The following IPCEF1 variants were observed in gnomAD, a reference collection of about 807,000 sequenced individuals.
The protein encoded by IPCEF1 is interactor protein for cytohesin exchange factors 1.
Under a neutral mutation model 50.9 loss-of-function variants are expected in IPCEF1, and 31 were observed. The observed-to-expected ratio is 0.61, with a 90% CI of 0.46 to 0.82. The LOEUF (loss-of-function observed/expected upper bound fraction) is 0.82, where lower values mean the gene tolerates loss of function less well. Ranked by LOEUF, IPCEF1 falls within the 40% of genes least tolerant of loss-of-function variation. The pLI is 0.00. For synonymous variants in IPCEF1, 181 were observed against 192.0 expected (o/e 0.94, Z 0.47); for missense variants, 458 against 514.0 (o/e 0.89, Z 1.05).
intron 11 of IPCEF1, among the ~76,000 whole-genome samples, chr6:154,165,400 T>G (rs1179191052): frequency 2.0e-5 from 3 of 152,312 alleles, no homozygotes; most frequent in Admixed American, 6.5e-5. Flanking sequence ...CATGCACACA[T>G]GTACCAAGTT....
chr6:154,299,801 G>T (rs539662800), intron 1 of IPCEF1, among the ~76,000 whole-genome samples: 1 of 139,050 alleles, frequency 7.2e-6, no homozygotes, highest in African/African-American at 2.6e-5. Flanking sequence ...ATGGATAGAG[G>T]GATGGATAAA....
intron 2 of IPCEF1, among the ~76,000 whole-genome samples, chr6:154,273,501 A>G (rs934857776): frequency 3.3e-5 from 5 of 152,122 alleles, no homozygotes; most frequent in African/African-American, 1.2e-4. Context: ...AGGACATGAG[A>G]TAATCCATTC....
At chr6:154,282,510 A>G (rs147472389) in intron 2 of IPCEF1, among the ~76,000 whole-genome samples, 5,470 of 152,022 alleles carry the variant, frequency 0.036, 249 homozygotes, top group African/African-American at 0.1. Flanking sequence ...GTGAAACCCT[A>G]TCTCTACTAA....
At chr6:154,323,648 A>G (rs762927086) in intron 1 of IPCEF1, among the ~76,000 whole-genome samples, 1 of 152,176 alleles carries the variant, frequency 6.6e-6, no homozygotes, top group Non-Finnish European at 1.5e-5. Context: ...ATGATGTCTG[A>G]TTCCTTCAAA....
chr6:154,263,418 G>A, intron 3 of IPCEF1, among the ~76,000 whole-genome samples: 2 of 136,200 alleles, frequency 1.5e-5, no homozygotes. Context: ...GTGTCCCTGG[G>A]TACTTGAGAT....
chr6:154,294,468 G>A (rs1319766029), intron 1 of IPCEF1, among the ~76,000 whole-genome samples: 1 of 152,070 alleles, frequency 6.6e-6, no homozygotes, highest in Non-Finnish European at 1.5e-5. Context: ...CAAGGCTGGA[G>A]GATTGTTTGA....
At chr6:154,217,468 G>C (rs1327773876) in intron 7 of IPCEF1, 1 of 150,014 alleles carries the variant, frequency 6.7e-6, no homozygotes, top group Non-Finnish European at 1.5e-5. Context: ...AGAAACTGAA[G>C]AAACAAAAGC....
chr6:154,241,155 G>C (rs1780547450), intron 5 of IPCEF1, among the ~76,000 whole-genome samples: 1 of 148,930 alleles, frequency 6.7e-6, no homozygotes, highest in South Asian at 2.1e-4. Context: ...AGAATCGCTT[G>C]AACCCGGGAG....
intron 1 of IPCEF1, among the ~76,000 whole-genome samples, chr6:154,356,230 A>G (rs1784215268): frequency 6.6e-6 from 1 of 152,172 alleles, no homozygotes; most frequent in South Asian, 2.1e-4. Flanking sequence ...CAAGCCTGAG[A>G]CCTTTATCAA....
chr6:154,279,094 A>G (rs894706665), intron 2 of IPCEF1, among the ~76,000 whole-genome samples: 7 of 151,928 alleles, frequency 4.6e-5, no homozygotes, highest in Admixed American at 3.3e-4. Flanking sequence ...CACCGCAAAA[A>G]AATCATAGAC....
chr6:154,242,904 A>T (rs1780711775), intron 5 of IPCEF1, among the ~76,000 whole-genome samples: 1 of 137,794 alleles, frequency 7.3e-6, no homozygotes, highest in Admixed American at 7.5e-5. Flanking sequence ...AAGAAAAGAA[A>T]AGTATAGGCC....
chr6:154,183,010 C>T lies in IPCEF1; in HGVS notation c.911-14897G>A, dbSNP rs572167088. Among the ~76,000 whole-genome samples the T allele has an allele frequency of 1.5e-4, 23 of 151,694 alleles. No individual in the cohort carries two copies. The South Asian group carries it at 4.2e-3, about 27-fold the overall frequency. ...TTTCTTTTTTTTTGAGACGGACTCTCGCTCTGTAGCCCAGGCTGGAGTGCA... is the reference window on the plus strand; with the variant it reads ...TTTCTTTTTTTTTGAGACGGACTCTTGCTCTGTAGCCCAGGCTGGAGTGCA... On this transcript the variant is annotated intron_variant, in intron 10 of 11. Transcript: ENST00000367220.
chr6:154,278,793 G>T (rs1429356993), intron 2 of IPCEF1, among the ~76,000 whole-genome samples: 1 of 151,134 alleles, frequency 6.6e-6, no homozygotes, highest in African/African-American at 2.4e-5. Context: ...AGTTTTACAT[G>T]CAGAAAGAAT....
chr6:154,166,302 G>A (rs773142422), intron 11 of IPCEF1, among the ~76,000 whole-genome samples: 1 of 152,176 alleles, frequency 6.6e-6, no homozygotes, highest in Admixed American at 6.5e-5. Flanking sequence ...GGCCAGGTGA[G>A]GGCATGGTGC....
intron 1 of IPCEF1, among the ~76,000 whole-genome samples, chr6:154,332,459 T>C (rs1052261705): frequency 5.3e-5 from 8 of 152,176 alleles, no homozygotes; most frequent in Admixed American, 6.5e-5. Flanking sequence ...TGACAAATAC[T>C]TACCTGGTAG....
chr6:154,192,304 T>C (rs549993970), intron 10 of IPCEF1, among the ~76,000 whole-genome samples: 165 of 136,254 alleles, frequency 1.2e-3, no homozygotes, highest in African/African-American at 4.1e-3. Flanking sequence ...ACCCAAATGG[T>C]GGCCACGTGG....
At chr6:154,324,739 C>CG (rs1783477948) in intron 1 of IPCEF1, among the ~76,000 whole-genome samples, 1 of 152,032 alleles carries the variant, frequency 6.6e-6, no homozygotes, top group South Asian at 2.1e-4. Flanking sequence ...ACCCAGGAAG[C>CG]GGAAGTTGCA....
intron 10 of IPCEF1, among the ~76,000 whole-genome samples, chr6:154,196,691 G>C (rs146763190): frequency 2.0e-5 from 3 of 152,262 alleles, no homozygotes; most frequent in African/African-American, 7.2e-5. Flanking sequence ...GAGGAGCACA[G>C]GGTAAAATTG....
intron 1 of IPCEF1, among the ~76,000 whole-genome samples, chr6:154,303,092 C>CTT (rs71021038): frequency 0.15 from 18,284 of 121,314 alleles, 2,548 homozygotes; most frequent in African/African-American, 0.32. Flanking sequence ...TATGATAGCA[C>CTT]TTTTTTTTTT....
Sources: gnomAD v4.1 joint callset for allele counts (sites outside exome capture counted in the v4.1 genomes callset) on GRCh38, gnomAD v4.1.1 for gene constraint, MANE v1.5 for transcripts, NCBI Gene and HGNC (gene_info 2026-07-23, HGNC 2026-07-21) for gene names.